DPP6: variants seen among roughly 807,000 people sequenced by gnomAD.
DPP6 encodes A-type potassium channel modulatory protein DPP6.
DPP6 carries 69 observed loss-of-function variants against 122.6 expected under a neutral mutation model. That is an observed-to-expected ratio of 0.56 (90% CI 0.46 to 0.69). DPP6 has a LOEUF of 0.69. Among genes scored for constraint, DPP6 ranks in the 30% least tolerant of loss-of-function variants. DPP6 has a pLI of 0.00. For missense variants in DPP6, 928 were observed against 1,116.9 expected, an observed-to-expected ratio of 0.83 and a Z score of 2.41; for synonymous variants, 418 against 433.1, an observed-to-expected ratio of 0.97 and a Z score of 0.43.
At chr7:154,771,256 G>A (rs1796233795) in intron 9 of DPP6, among the ~76,000 whole-genome samples, 1 of 147,266 alleles carries the variant, frequency 6.8e-6, no homozygotes, top group Non-Finnish European at 1.5e-5. Flanking sequence ...CTGCCACAAT[G>A]AAATAACACA....
intron 1 of DPP6, among the ~76,000 whole-genome samples, chr7:154,208,093 A>G (rs967366214): frequency 1.3e-5 from 2 of 152,234 alleles, no homozygotes; most frequent in Non-Finnish European, 2.9e-5. Flanking sequence ...TTGTTATTTA[A>G]TAAAAGAAAG....
At chr7:154,564,431 G>A (rs1166705703) in intron 4 of DPP6, among the ~76,000 whole-genome samples, 1 of 152,068 alleles carries the variant, frequency 6.6e-6, no homozygotes, top group Non-Finnish European at 1.5e-5. Context: ...CAAAATTGGA[G>A]AAAAAACACC....
chr7:154,362,239 C>G (rs1338739963), intron 1 of DPP6, among the ~76,000 whole-genome samples: 1 of 152,218 alleles, frequency 6.6e-6, no homozygotes, highest in Non-Finnish European at 1.5e-5. Context: ...GACCTGGAAA[C>G]AGCTTCTGTG....
intron 1 of DPP6, among the ~76,000 whole-genome samples, chr7:154,297,495 G>A (rs969255422): frequency 1.3e-5 from 2 of 152,194 alleles, no homozygotes; most frequent in African/African-American, 2.4e-5. Context: ...AGGCAAACCA[G>A]CTACTGTTTC....
chr7:154,036,141 ACT>A (rs1427176193), intron 1 of DPP6, among the ~76,000 whole-genome samples: 2 of 151,448 alleles, frequency 1.3e-5, no homozygotes, highest in Admixed American at 6.6e-5. Flanking sequence ...ATCAAGCCTC[ACT>A]CTGTTACCCA....
At chr7:153,835,783 G>C in the DPP6 span, among the ~76,000 whole-genome samples, 1 of 152,160 alleles carries the variant, frequency 6.6e-6, no homozygotes, top group African/African-American at 2.4e-5. Flanking sequence ...GCAGCCAAAA[G>C]GGAAAGGGGG....
chr7:154,786,456 G>T (rs1026875121), intron 10 of DPP6, among the ~76,000 whole-genome samples: 6 of 152,124 alleles, frequency 3.9e-5, no homozygotes, highest in African/African-American at 1.4e-4. Context: ...AATCATGGGG[G>T]CAGTTACTCC....
Position 154,772,883 on chromosome 7 carries a change from T to A in DPP6, c.1077T>A (p.Ile359=), listed in dbSNP as rs1231887639. The A allele has an allele frequency of 6.2e-7, 1 of 1,613,192 alleles. No individual in the cohort carries two copies. Among genetic ancestry groups the A allele is most frequent in the Non-Finnish European group, 8.5e-7 (1 of 1,179,724 alleles). The change falls in exon 10 of 26, where the codon ATT becomes ATA. Residue 359 remains isoleucine, a synonymous_variant. Transcript: ENST00000377770. The part of the protein sequence containing the change: ...SENPSISLHV[I]GLNGPTHDLE... ...ACCCCAGCATTTCCCTACACGTTAT[T>A]GGCTTAAATGGACCCACCCATGATC...
chr7:154,620,888 C>T (rs1834602310), intron 5 of DPP6, among the ~76,000 whole-genome samples: 2 of 152,330 alleles, frequency 1.3e-5, no homozygotes, highest in African/African-American at 4.8e-5. Flanking sequence ...TCACCACATA[C>T]AATCAGAGGC....
At chr7:154,740,036 A>C (rs984825791) in intron 8 of DPP6, among the ~76,000 whole-genome samples, 11 of 152,252 alleles carry the variant, frequency 7.2e-5, no homozygotes, top group African/African-American at 2.7e-4. Flanking sequence ...AAAATCAGTA[A>C]TAAATCTAAA....
intron 8 of DPP6, among the ~76,000 whole-genome samples, chr7:154,746,942 G>T (rs1177326351): frequency 6.6e-6 from 1 of 152,168 alleles, no homozygotes; most frequent in Non-Finnish European, 1.5e-5. Flanking sequence ...CTGGAATTAT[G>T]TCTTTTACCT....
At chr7:154,742,906 TC>T (rs1185550645) in intron 8 of DPP6, among the ~76,000 whole-genome samples, 3 of 151,562 alleles carry the variant, frequency 2.0e-5, no homozygotes, top group African/African-American at 7.2e-5. Context: ...AGCCAGTCCC[TC>T]CTCCCCCAAA....
chr7:154,320,523 G>C (rs1807856591), intron 1 of DPP6, among the ~76,000 whole-genome samples: 1 of 151,346 alleles, frequency 6.6e-6, no homozygotes, highest in South Asian at 2.1e-4. Context: ...TTCCTCTGTT[G>C]CCCAGGTCGG....
chr7:154,649,042 C>G (rs1468816888), intron 6 of DPP6, among the ~76,000 whole-genome samples: 1 of 152,174 alleles, frequency 6.6e-6, no homozygotes, highest in Non-Finnish European at 1.5e-5. Context: ...CCAGAGCATC[C>G]TCCATACCCC....
chr7:154,610,413 A>G (rs1274114792), intron 5 of DPP6, among the ~76,000 whole-genome samples: 1 of 152,198 alleles, frequency 6.6e-6, no homozygotes, highest in Non-Finnish European at 1.5e-5. Context: ...ATGGGGTCAA[A>G]AGAAAGGATG....
chr7:154,177,386 T>A (rs1389335527), intron 1 of DPP6, among the ~76,000 whole-genome samples: 1 of 152,230 alleles, frequency 6.6e-6, no homozygotes, highest in Non-Finnish European at 1.5e-5. Context: ...CTGTAAGTGT[T>A]AAGACTTGAA....
intron 3 of DPP6, among the ~76,000 whole-genome samples, chr7:154,512,746 G>A (rs1224120919): frequency 6.6e-6 from 1 of 152,180 alleles, no homozygotes; most frequent in Non-Finnish European, 1.5e-5. Flanking sequence ...TGAGAAGGAT[G>A]ACTTCATGCT....
the DPP6 span, among the ~76,000 whole-genome samples, chr7:153,837,837 ATT>A: frequency 8.7e-5 from 7 of 80,638 alleles, no homozygotes; most frequent in South Asian, 6.3e-4. Context: ...TGCCTGGTTA[ATT>A]TTTTTTTTTT....
At chr7:154,771,512 C>T (rs983292684) in intron 9 of DPP6, among the ~76,000 whole-genome samples, 2 of 152,226 alleles carry the variant, frequency 1.3e-5, no homozygotes, top group Non-Finnish European at 2.9e-5. Context: ...ACCTCAATCA[C>T]CTCCCAAAGG....
Sources: allele counts gnomAD v4.1 joint callset (sites outside exome capture counted in the v4.1 genomes callset), GRCh38; gene constraint gnomAD v4.1.1; transcripts MANE v1.5; gene names NCBI Gene and HGNC (gene_info 2026-07-23, HGNC 2026-07-21).